Variants in MYH14 observed in about 807,000 individuals in gnomAD.
MYH14 encodes myosin heavy chain 14, also known as myosin-14.
Under a neutral mutation model 255.5 loss-of-function variants are expected in MYH14, and 123 were observed. That is an observed-to-expected ratio of 0.48 (90% confidence interval 0.42 to 0.56). The LOEUF (loss-of-function observed/expected upper bound fraction) is 0.56, where lower values mean the gene tolerates loss of function less well. MYH14 is among the 20% of genes least tolerant of loss of function. The pLI, the probability that MYH14 is intolerant of heterozygous loss-of-function variation, is 0.00. For missense variants in MYH14, 2,423 were observed against 2,802.3 expected, an observed-to-expected ratio of 0.86 and a Z score of 3.06; for synonymous variants, 1,095 against 1,161.2, an observed-to-expected ratio of 0.94 and a Z score of 1.16.
intron 33 of MYH14, among the ~76,000 whole-genome samples, chr19:50,282,969 C>G (rs2035775307): frequency 6.6e-6 from 1 of 152,080 alleles, no homozygotes; most frequent in South Asian, 2.1e-4. Context: ...CACTCTCTCT[C>G]CTTCCCCTTC....
chr19:50,298,748 C>CT, intron 39 of MYH14, among the ~76,000 whole-genome samples: 1 of 143,266 alleles, frequency 7.0e-6, no homozygotes, highest in Admixed American at 7.1e-5. Context: ...GAGACTCCAT[C>CT]TAAAAAAAAA....
intron 24 of MYH14, among the ~76,000 whole-genome samples, chr19:50,270,273 C>T (rs930917556): frequency 2.6e-5 from 4 of 151,950 alleles, no homozygotes; most frequent in Non-Finnish European, 4.4e-5. Context: ...AATCCCAATA[C>T]TTTGGGAGGC....
intron 17 of MYH14, among the ~76,000 whole-genome samples, 173 bp downstream of exon 17, chr19:50,255,491 A>G (rs867831554): frequency 1.3e-5 from 2 of 152,208 alleles, no homozygotes; most frequent in Non-Finnish European, 1.5e-5. Context: ...CTGTAGCAGC[A>G]GAACCCCTTC....
At chr19:50,299,430 AC>A (rs2036396404) in intron 39 of MYH14, among the ~76,000 whole-genome samples, 1 of 150,408 alleles carries the variant, frequency 6.6e-6, no homozygotes, top group Non-Finnish European at 1.5e-5. Flanking sequence ...AATGAGCCGG[AC>A]GTGGTGGTGT....
chr19:50,210,449 G>A lies in MYH14; in HGVS notation c.84G>A (p.Leu28=), dbSNP rs2123155735. The change falls in exon 2 of 43, where the codon CTG becomes CTA. Residue 28 remains leucine, a synonymous_variant. Transcript: ENST00000642316. ...GPVPEAAQPF[L]FTPRGPSAGG... is the part of the protein sequence containing the mutation. Reference sequence around the variant, plus strand: ...TGCCCGAGGCGGCCCAGCCGTTCCTGTTCACGCCCCGCGGGCCCAGCGCGG... The same window carrying A: ...TGCCCGAGGCGGCCCAGCCGTTCCTATTCACGCCCCGCGGGCCCAGCGCGG... 4 of 1,551,694 alleles carry A rather than the reference G, an allele frequency of 2.6e-6. No individual in the cohort carries two copies. In the South Asian group the frequency reaches 4.7e-5, roughly 18 times the overall value.
At chr19:50,239,329 C>T (rs1215062586) in intron 10 of MYH14, among the ~76,000 whole-genome samples, 2 of 151,930 alleles carry the variant, frequency 1.3e-5, no homozygotes, top group Non-Finnish European at 2.9e-5. Flanking sequence ...CTCTTGCTCT[C>T]TTTTTTTCCT....
chr19:50,263,570 C>A, intron 22 of MYH14, 150 bp downstream of exon 22: 1 of 483,592 alleles, frequency 2.1e-6, no homozygotes, highest in African/African-American at 2.0e-5. Flanking sequence ...AGCTGGGATT[C>A]TTTAGTTAGC....
chr19:50,272,771 G>T (rs1343057501), intron 27 of MYH14, 40 bp downstream of exon 27: 2 of 1,541,614 alleles, frequency 1.3e-6, no homozygotes, highest in South Asian at 1.2e-5. Context: ...AGCAGCATGG[G>T]TGCACGGCCA....
Position 50,230,546 on chromosome 19 carries a change from C to T in MYH14, c.896C>T (p.Ala299Val). 1 of 1,567,258 alleles carries T rather than the reference C, an allele frequency of 6.4e-7. No homozygotes were observed. ...IETYLLEKSRAIRQAKDECSF... is the reference protein window; with the variant it reads ...IETYLLEKSRVIRQAKDECSF... The stretch of plus-strand genomic sequence containing the variant: ...CCAGACCTGCTGGAGAAGTCGCGGG[C>T]CATCCGCCAGGCCAAGGACGAGTGC... The change falls in exon 9 of 43, where the codon GCC (alanine) becomes GTC (valine). Residue 299 changes from alanine to valine, a missense_variant. By Grantham distance (64) the Ala-to-Val change is moderately conservative. This residue lies in a region of MYH14 where 672 missense variants were observed against 881.8 expected (regional missense o/e 0.76). Coordinates refer to ENST00000642316, the MANE Select transcript of MYH14 (RefSeq NM_001145809.2). This position sits in a 1 kb window ranked among gnomAD's most constrained non-coding sequence, Gnocchi z 4.7.
intron 1 of MYH14, among the ~76,000 whole-genome samples, chr19:50,203,896 G>A (rs1198397090): frequency 1.3e-5 from 2 of 152,220 alleles, no homozygotes; most frequent in East Asian, 1.9e-4. Context: ...CGCCGTGTGC[G>A]AGGCCCGGTC....
At position 50,210,433 on chromosome 19, in the gene MYH14, C is replaced by A; in HGVS notation, c.68C>A (p.Ala23Glu). 6.4e-7 allele frequency: 1 copy of A among 1,554,518 alleles called. No individual in the cohort carries two copies. Among genetic ancestry groups the A allele is most frequent in the Non-Finnish European group, 8.7e-7 (1 of 1,150,930 alleles). The change falls in exon 2 of 43, where the codon GCG becomes GAG. Residue 23 changes from alanine (A) to glutamate (E), a missense_variant. By Grantham distance (107) the Ala-to-Glu change is moderately radical (BLOSUM62 -1). This residue lies in a region of MYH14 where 238 missense variants were observed against 245.8 expected (regional missense o/e 0.97). Coordinates refer to ENST00000642316, the MANE Select transcript of MYH14 (RefSeq NM_001145809.2). ...CCCAGGCCGGGCCCAGTGCCCGAGG[C>A]GGCCCAGCCGTTCCTGTTCACGCCC... Reference protein sequence around the residue: ...APPRPGPVPEAAQPFLFTPRG... With the variant: ...APPRPGPVPEEAQPFLFTPRG...
chr19:50,304,766 G>T (rs2036602347), intron 40 of MYH14, among the ~76,000 whole-genome samples: 1 of 152,162 alleles, frequency 6.6e-6, no homozygotes, highest in Non-Finnish European at 1.5e-5. Flanking sequence ...TGAACTAGAA[G>T]GGTTGAAGGG....
At chr19:50,249,906 C>T (rs2034299257) in intron 14 of MYH14, 83 bp downstream of exon 14, 2 of 1,538,044 alleles carry the variant, frequency 1.3e-6, no homozygotes, top group Non-Finnish European at 1.8e-6. Flanking sequence ...TCTAGCTCCT[C>T]CTCTGCTGGG....
intron 36 of MYH14, among the ~76,000 whole-genome samples, chr19:50,291,660 T>C (rs1031678299): frequency 6.6e-6 from 1 of 151,804 alleles, no homozygotes; most frequent in African/African-American, 2.4e-5. Flanking sequence ...AGGTCAGGAG[T>C]TCAATACCAG....
rs1019361734 is a variant in MYH14 at position 50,230,717 on chromosome 19, G to C, written c.973+94G>C. 7 of 1,046,956 alleles carry C rather than the reference G, an allele frequency of 6.7e-6. No individual in the cohort carries two copies. In the African/African-American group the frequency reaches 9.6e-5, roughly 14 times the overall value. The allele number at this position is 1,046,956 out of a possible 1,614,324, so 64.9% of individuals were successfully genotyped here. A position where few individuals can be genotyped will look rare whatever the true frequency, so the allele number is the denominator to read the frequency against. On this transcript the variant is annotated intron_variant, in intron 9 of 42. Transcript: ENST00000642316. The surrounding 1 kb of genome is among the most constrained non-coding windows in gnomAD (Gnocchi z 4.7). ...TCTGGGGAGGAAGCAAGAGTGGGGGGCTCTAATATCCGTCAAACACCGACT... is the reference window on the plus strand; with the variant it reads ...TCTGGGGAGGAAGCAAGAGTGGGGGCCTCTAATATCCGTCAAACACCGACT...
chr19:50,301,167 G>A (rs560943237), intron 39 of MYH14, among the ~76,000 whole-genome samples: 6 of 152,286 alleles, frequency 3.9e-5, no homozygotes, highest in South Asian at 2.1e-4. Flanking sequence ...TATTGAGGCC[G>A]TGTTTCTCAA....
At chr19:50,247,719 G>A (rs187577293) in intron 12 of MYH14, among the ~76,000 whole-genome samples, 95 of 152,056 alleles carry the variant, frequency 6.2e-4, no homozygotes, top group Admixed American at 3.2e-3. Flanking sequence ...AGACGGAACC[G>A]CAAGTGTAAA....
In MYH14 at chr19:50,271,841, C is replaced by G; in HGVS notation, c.3172-8C>G. On this transcript the variant is annotated splice_polypyrimidine_tract_variant and splice_region_variant and intron_variant, in intron 25 of 42. Transcript: ENST00000642316. ...CCTGACTGCCCCCCATCCCACTCCA[C>G]CCCTCAGGAGCGGAAGCTGCTGGAA... The G allele has an allele frequency of 6.2e-7, 1 of 1,613,006 alleles. No individual in the cohort carries two copies. The highest frequency in any genetic ancestry group is 8.5e-7 in the Non-Finnish European group (1 of 1,179,784).
rs751243478 is a variant in MYH14, at chr19:50,217,781, G to A, written c.562+10G>A. The stretch of plus-strand genomic sequence containing the variant: ...CGGAGCATGCTGCAGGGTGAGTGCT[G>A]GGTGGGGCTGTAGGCCAGCGAGGCG... On this transcript the variant is annotated intron_variant, in intron 3 of 42. Transcript: ENST00000642316. The A allele has an allele frequency of 1.2e-6, 2 of 1,611,474 alleles. No individual in the cohort carries two copies. Among genetic ancestry groups the A allele is most frequent in the East Asian group, 4.5e-5 (2 of 44,846 alleles).
Sources: allele counts gnomAD v4.1 joint callset (sites outside exome capture counted in the v4.1 genomes callset), GRCh38; gene constraint gnomAD v4.1.1; regional missense constraint gnomAD v4.1.1; non-coding constraint Gnocchi (gnomAD v3.1); transcripts MANE v1.5; gene names NCBI Gene and HGNC (gene_info 2026-07-23, HGNC 2026-07-21).